Variants in RCAN2 observed in about 807,000 individuals in gnomAD.
RCAN2 encodes the protein calcipressin-2.
A neutral mutation model predicts 23.6 loss-of-function variants in RCAN2; 9 were observed. That is an observed-to-expected ratio of 0.38 (90% confidence interval 0.23 to 0.67). RCAN2 has a LOEUF of 0.67. Among genes scored for constraint, RCAN2 ranks in the 30% least tolerant of loss-of-function variants. The pLI is 0.51. For missense variants in RCAN2, 273 were observed against 302.3 expected, an observed-to-expected ratio of 0.90 and a Z score of 0.72; for synonymous variants, 109 against 115.7, an observed-to-expected ratio of 0.94 and a Z score of 0.37.
intron 2 of RCAN2, among the ~76,000 whole-genome samples, chr6:46,416,693 T>G (rs192503702): frequency 6.6e-6 from 1 of 152,014 alleles, no homozygotes; most frequent in East Asian, 1.9e-4. Context: ...AGCTAATGTT[T>G]TTATTTTTTG....
At chr6:46,360,837 A>G (rs1764990194) in intron 2 of RCAN2, among the ~76,000 whole-genome samples, 1 of 152,194 alleles carries the variant, frequency 6.6e-6, no homozygotes, top group Non-Finnish European at 1.5e-5. Flanking sequence ...ACTTGTTGAT[A>G]ATGGAGAGAA....
chr6:46,463,342 C>T (rs1268158778), intron 1 of RCAN2, among the ~76,000 whole-genome samples: 2 of 152,122 alleles, frequency 1.3e-5, no homozygotes, highest in Non-Finnish European at 2.9e-5. Flanking sequence ...GAAGTCAAAC[C>T]AGAGAGAAAG....
chr6:46,272,216 C>T (rs184978117), intron 2 of RCAN2, among the ~76,000 whole-genome samples: 1 of 152,276 alleles, frequency 6.6e-6, no homozygotes, highest in Non-Finnish European at 1.5e-5. Flanking sequence ...AAAAGATGAA[C>T]ATGGCAAAAT....
At chr6:46,266,323 G>C (rs1767325716) in intron 2 of RCAN2, among the ~76,000 whole-genome samples, 1 of 152,110 alleles carries the variant, frequency 6.6e-6, no homozygotes, top group Non-Finnish European at 1.5e-5. Context: ...CTTGTAGACT[G>C]GTTTGTTCTT....
intron 1 of RCAN2, among the ~76,000 whole-genome samples, chr6:46,484,598 G>T (rs770970234): frequency 4.6e-5 from 7 of 152,246 alleles, no homozygotes; most frequent in Non-Finnish European, 8.8e-5. Context: ...CATAAGCAGA[G>T]TTTGTTCTAT....
At chr6:46,445,823 G>T (rs1313962946) in intron 2 of RCAN2, among the ~76,000 whole-genome samples, 2 of 121,386 alleles carry the variant, frequency 1.6e-5, no homozygotes, top group Non-Finnish European at 3.7e-5. Flanking sequence ...GCAGAAGAAA[G>T]CCTGTGAACT....
chr6:46,434,904 A>T (rs766385632), intron 2 of RCAN2, among the ~76,000 whole-genome samples: 5 of 152,216 alleles, frequency 3.3e-5, no homozygotes, highest in Non-Finnish European at 7.3e-5. Flanking sequence ...CACACAAAGA[A>T]TTATCAGTCA....
At chr6:46,385,380 A>G (rs1228035091) in intron 2 of RCAN2, among the ~76,000 whole-genome samples, 1 of 152,230 alleles carries the variant, frequency 6.6e-6, no homozygotes, top group Non-Finnish European at 1.5e-5. Flanking sequence ...AATACTATTC[A>G]GGCTAGAAGG....
chr6:46,261,403 A>G (rs1767102128), intron 2 of RCAN2, among the ~76,000 whole-genome samples: 1 of 152,214 alleles, frequency 6.6e-6, no homozygotes, highest in Admixed American at 6.5e-5. Context: ...AGAAATAATG[A>G]CAGTATCTAC....
At chr6:46,264,053 C>G (rs1033084939) in intron 2 of RCAN2, among the ~76,000 whole-genome samples, 1 of 152,168 alleles carries the variant, frequency 6.6e-6, no homozygotes, top group African/African-American at 2.4e-5. Context: ...AAAAAATTAC[C>G]CCTTTGCAGA....
intron 2 of RCAN2, among the ~76,000 whole-genome samples, chr6:46,260,446 G>GT (rs938505473): frequency 7.9e-5 from 12 of 152,092 alleles, no homozygotes; most frequent in African/African-American, 2.9e-4. Flanking sequence ...AATCCACTTT[G>GT]TAAGTACCCA....
At chr6:46,387,670 T>C (rs1403348879) in intron 2 of RCAN2, among the ~76,000 whole-genome samples, 1 of 152,170 alleles carries the variant, frequency 6.6e-6, no homozygotes, top group Non-Finnish European at 1.5e-5. Flanking sequence ...GTAAACTAGT[T>C]CAACCATTGT....
At chr6:46,314,625 C>G (rs1345690817) in intron 2 of RCAN2, among the ~76,000 whole-genome samples, 4 of 151,954 alleles carry the variant, frequency 2.6e-5, no homozygotes, top group Admixed American at 6.6e-5. Flanking sequence ...GTAAATATTA[C>G]AATTATAGTT....
intron 2 of RCAN2, among the ~76,000 whole-genome samples, chr6:46,396,908 C>G (rs566135122): frequency 1.3e-5 from 2 of 151,932 alleles, no homozygotes; most frequent in Non-Finnish European, 2.9e-5. Context: ...GGTCGGAGTT[C>G]GAGACCAGCC....
intron 2 of RCAN2, among the ~76,000 whole-genome samples, chr6:46,452,459 C>T (rs7749782): frequency 0.032 from 4,845 of 152,306 alleles, 245 homozygotes; most frequent in African/African-American, 0.11. Flanking sequence ...TGTCCTTACT[C>T]CAGGACCCAA....
At chr6:46,270,732 C>A (rs1561836903) in intron 2 of RCAN2, among the ~76,000 whole-genome samples, 1 of 152,184 alleles carries the variant, frequency 6.6e-6, no homozygotes, top group Non-Finnish European at 1.5e-5. Flanking sequence ...CTCTCAATGG[C>A]CTCTTCTGAT....
chr6:46,382,635 C>T (rs147228908), intron 2 of RCAN2, among the ~76,000 whole-genome samples: 134 of 152,218 alleles, frequency 8.8e-4, no homozygotes, highest in African/African-American at 3.1e-3. Context: ...AAAAGCGCTC[C>T]AATGCATAAT....
intron 2 of RCAN2, among the ~76,000 whole-genome samples, chr6:46,405,007 T>C (rs1766356656): frequency 6.6e-6 from 1 of 152,234 alleles, no homozygotes; most frequent in South Asian, 2.1e-4. Flanking sequence ...AGACTCACAC[T>C]ACTATCTTAT....
intron 2 of RCAN2, among the ~76,000 whole-genome samples, chr6:46,405,953 C>T (rs989613573): frequency 3.3e-5 from 5 of 152,226 alleles, no homozygotes; most frequent in African/African-American, 1.2e-4. Context: ...GAGCACAGCG[C>T]CGGTGGGTTG....
Sources: allele counts gnomAD v4.1 joint callset (sites outside exome capture counted in the v4.1 genomes callset), GRCh38; gene constraint gnomAD v4.1.1; transcripts MANE v1.5; gene names NCBI Gene and HGNC (gene_info 2026-07-23, HGNC 2026-07-21).